TSNARE1: variants seen among roughly 807,000 people sequenced by gnomAD.
The protein encoded by TSNARE1 is t-SNARE domain containing 1, also known as t-SNARE domain-containing protein 1.
Under a neutral mutation model 62.0 loss-of-function variants are expected in TSNARE1, and 49 were observed. That is an observed-to-expected ratio of 0.79 (90% CI 0.63 to 1.00). TSNARE1 has a LOEUF of 1.00. Among genes scored for constraint, TSNARE1 ranks in the 50% least tolerant of loss-of-function variants. The pLI, the probability that TSNARE1 is intolerant of heterozygous loss-of-function variation, is 0.00. For missense variants in TSNARE1, 755 were observed against 700.1 expected (o/e 1.08, Z -0.88); for synonymous variants, 328 against 294.4 (o/e 1.11, Z -1.17).
intron 9 of TSNARE1, among the ~76,000 whole-genome samples, chr8:142,309,229 G>T (rs545009859): frequency 2.6e-5 from 4 of 152,170 alleles, no homozygotes; most frequent in Admixed American, 1.3e-4. Context: ...ATGAAACACA[G>T]TTTCTTCTCA....
At chr8:142,270,504 T>G in intron 12 of TSNARE1, 2 of 864,394 alleles carry the variant, frequency 2.3e-6, no homozygotes, top group Non-Finnish European at 2.7e-6. Flanking sequence ...ATATATATAT[T>G]TATGTATTTA....
Position 142,278,396 on chromosome 8 carries a change from C to T in TSNARE1, c.1364-3533G>A, listed in dbSNP as rs192300784. 4.4e-4 allele frequency: 438 copies of T among 985,472 alleles called. 1 individual carries two copies. The African/African-American group carries it at 6.4e-3, about 14-fold the overall frequency. The allele number at this position is 985,472 out of a possible 1,614,324, so 61.0% of individuals were successfully genotyped here. A position where few individuals can be genotyped will look rare whatever the true frequency, so the allele number is the denominator to read the frequency against. ...TCCTGTGAGGCTGGGTCCTTCTGTCCACTCTGTGGCCCTCAAGGAGCTGGT... is the reference window on the plus strand; with the variant it reads ...TCCTGTGAGGCTGGGTCCTTCTGTCTACTCTGTGGCCCTCAAGGAGCTGGT... On this transcript the variant is annotated intron_variant, in intron 11 of 13. Coordinates refer to ENST00000524325, the MANE Select transcript of TSNARE1 (RefSeq NM_145003.5).
chr8:142,274,670 C>A (rs1820141441), intron 12 of TSNARE1, 111 bp downstream of exon 12: 74 of 1,372,362 alleles, frequency 5.4e-5, no homozygotes, highest in Non-Finnish European at 6.9e-5. Flanking sequence ...GGGCATGCCC[C>A]TCCCAGGCAC....
At chr8:142,227,328 G>GACAGCCAGGACCCCC (rs1816872610) in intron 13 of TSNARE1, among the ~76,000 whole-genome samples, 1 of 110,508 alleles carries the variant, frequency 9.0e-6, no homozygotes, top group African/African-American at 6.9e-5. Context: ...CAACTCCAGT[G>GACAGCCAGGACCCCC]ATAGCCAGGA....
At chr8:142,272,089 T>C (rs944720427) in intron 12 of TSNARE1, among the ~76,000 whole-genome samples, 1 of 152,008 alleles carries the variant, frequency 6.6e-6, no homozygotes, top group East Asian at 1.9e-4. Context: ...CATCCACTCA[T>C]CTGTCCACCT....
At chr8:142,339,503 A>G (rs1832238087) in intron 4 of TSNARE1, among the ~76,000 whole-genome samples, 2 of 152,168 alleles carry the variant, frequency 1.3e-5, no homozygotes, top group Admixed American at 6.5e-5. Context: ...CAGAGTGGAT[A>G]GAGCAAATGC....
At chr8:142,343,906 C>G in intron 4 of TSNARE1, 60 bp downstream of exon 4, 2 of 1,385,296 alleles carry the variant, frequency 1.4e-6, no homozygotes, top group Non-Finnish European at 1.9e-6. Context: ...CCAAGATGGG[C>G]CCCCCCCTCC....
At chr8:142,223,117 C>CTCAT (rs1816525666) in intron 13 of TSNARE1, among the ~76,000 whole-genome samples, 1 of 18,194 alleles carries the variant, frequency 5.5e-5, no homozygotes, top group Non-Finnish European at 1.6e-4. Flanking sequence ...CACTCGTTCA[C>CTCAT]TCATTCACTC....
chr8:142,329,732 C>T (rs945121270), intron 6 of TSNARE1, among the ~76,000 whole-genome samples: 3 of 152,160 alleles, frequency 2.0e-5, no homozygotes, highest in Non-Finnish European at 4.4e-5. Flanking sequence ...GAGGGAACAC[C>T]GACATGCTAA....
intron 1 of TSNARE1, among the ~76,000 whole-genome samples, chr8:142,378,442 C>G (rs1836499785): frequency 6.6e-6 from 1 of 152,240 alleles, no homozygotes; most frequent in East Asian, 1.9e-4. Context: ...AAACTCATCA[C>G]ACGGAACACT....
intron 7 of TSNARE1, among the ~76,000 whole-genome samples, chr8:142,317,023 T>A (rs1169945292): frequency 6.6e-6 from 1 of 151,934 alleles, no homozygotes; most frequent in African/African-American, 2.4e-5. Flanking sequence ...GGCGTCTCGC[T>A]CACACTGTGC....
intron 1 of TSNARE1, among the ~76,000 whole-genome samples, chr8:142,385,019 TGATAGA>T (rs1837017681): frequency 1.3e-5 from 2 of 149,452 alleles, no homozygotes; most frequent in Admixed American, 1.3e-4. Flanking sequence ...GTATCACACA[TGATAGA>T]GACAAGAAAA....
intron 12 of TSNARE1, among the ~76,000 whole-genome samples, chr8:142,249,312 T>C (rs990207610): frequency 6.6e-5 from 10 of 151,510 alleles, no homozygotes; most frequent in African/African-American, 2.4e-4. Context: ...GGGCAGAGGG[T>C]GGGCTGGGCA....
intron 12 of TSNARE1, among the ~76,000 whole-genome samples, chr8:142,257,612 A>G (rs1297448030): frequency 6.6e-6 from 1 of 152,044 alleles, no homozygotes; most frequent in Non-Finnish European, 1.5e-5. Context: ...GGCTGGGAGG[A>G]AGCAGTTTGG....
intron 12 of TSNARE1, among the ~76,000 whole-genome samples, chr8:142,263,368 C>A (rs938061635): frequency 6.6e-6 from 1 of 152,198 alleles, no homozygotes; most frequent in Non-Finnish European, 1.5e-5. Context: ...GTTAAATCCA[C>A]TTCCAGCGTA....
At position 142,279,764 on chromosome 8, in the gene TSNARE1, G is replaced by A. The variant is rs913870350; in HGVS notation, c.1363+4649C>T. 16 of 578,706 alleles carry A rather than the reference G, an allele frequency of 2.8e-5. No homozygotes were observed. In the African/African-American group the frequency reaches 3.1e-4, roughly 11 times the overall value. The allele number at this position is 578,706 out of a possible 1,614,324, so 35.8% of individuals were successfully genotyped here. A position where few individuals can be genotyped will look rare whatever the true frequency, so the allele number is the denominator to read the frequency against. ...GTCTCCCTCGGAGGGTCTCCCTCTT[G>A]GGAGCTGGTGCAGAAGGCTCAAGCC... On this transcript the variant is annotated intron_variant, in intron 11 of 13. Transcript: ENST00000524325.
chr8:142,270,761 G>A (rs544622657), intron 12 of TSNARE1: 7 of 985,398 alleles, frequency 7.1e-6, no homozygotes, highest in Non-Finnish European at 8.4e-6. Context: ...TTCCAGGGAC[G>A]CTGGGCTGCA....
intron 1 of TSNARE1, among the ~76,000 whole-genome samples, chr8:142,377,334 C>T (rs1011434883): frequency 6.6e-6 from 1 of 151,714 alleles, no homozygotes; most frequent in African/African-American, 2.4e-5. Context: ...CACACGAACA[C>T]AGACTTGGCA....
At chr8:142,343,944 G>T (rs1276698257) in intron 4 of TSNARE1, 22 bp downstream of exon 4, 4 of 1,502,984 alleles carry the variant, frequency 2.7e-6, no homozygotes, top group African/African-American at 1.4e-5. Flanking sequence ...CCCTAGCAAG[G>T]TGAGCTGAGC....
Sources: gnomAD v4.1 joint callset for allele counts (sites outside exome capture counted in the v4.1 genomes callset) on GRCh38, gnomAD v4.1.1 for gene constraint, MANE v1.5 for transcripts, NCBI Gene and HGNC (gene_info 2026-07-23, HGNC 2026-07-21) for gene names.